The following RASGRF2 variants were observed in gnomAD, a reference collection of about 807,000 sequenced individuals.
The protein encoded by RASGRF2 is Ras protein specific guanine nucleotide releasing factor 2, also known as ras-specific guanine nucleotide-releasing factor 2.
Under a neutral mutation model 151.0 loss-of-function variants are expected in RASGRF2, and 76 were observed. That is an observed-to-expected ratio of 0.50 (90% CI 0.42 to 0.61). The LOEUF (loss-of-function observed/expected upper bound fraction) is 0.61. Ranked by LOEUF, RASGRF2 falls within the 20% of genes least tolerant of loss-of-function variation. The pLI, the probability that RASGRF2 is intolerant of heterozygous loss-of-function variation, is 0.00. For missense variants in RASGRF2, 1,148 were observed against 1,564.6 expected (o/e 0.73, Z 4.49); for synonymous variants, 504 against 566.5 (o/e 0.89, Z 1.57).
chr5:80,985,014 A>G (rs1375996727), intron 1 of RASGRF2, among the ~76,000 whole-genome samples: 1 of 152,206 alleles, frequency 6.6e-6, no homozygotes, highest in Non-Finnish European at 1.5e-5. Context: ...GTTCGAGACC[A>G]GCCTGGGCAA....
intron 17 of RASGRF2, among the ~76,000 whole-genome samples, chr5:81,168,865 C>G (rs6891857): frequency 0.011 from 1,622 of 152,298 alleles, 35 homozygotes; most frequent in African/African-American, 0.037. Context: ...ACAGCGATCA[C>G]TTCTTCCTTG....
intron 26 of RASGRF2, among the ~76,000 whole-genome samples, chr5:81,220,127 A>G (rs1755827612): frequency 6.6e-6 from 1 of 152,164 alleles, no homozygotes; most frequent in Admixed American, 6.5e-5. Context: ...GCTTTCTGAA[A>G]TGCAAAGTGG....
Position 81,145,441 on chromosome 5 carries a change from C to T in RASGRF2, c.2686+18278C>T, listed in dbSNP as rs188958012. 1.3e-4 allele frequency among the ~76,000 whole-genome samples: 20 copies of T among 152,280 alleles called. No individual in the cohort carries two copies. The East Asian group carries it at 3.7e-3, about 28-fold the overall frequency. On this transcript the variant is annotated intron_variant, in intron 17 of 26. Transcript: ENST00000265080. Reference sequence around the variant, plus strand: ...TACCACAAATTCTTTTCTACTTCTCCGTTCAAGAAATGGTGCTAAATTTCC... The same window carrying T: ...TACCACAAATTCTTTTCTACTTCTCTGTTCAAGAAATGGTGCTAAATTTCC...
chr5:81,148,844 A>G (rs1754065439), intron 17 of RASGRF2, among the ~76,000 whole-genome samples: 1 of 148,086 alleles, frequency 6.8e-6, no homozygotes, highest in South Asian at 2.1e-4. Context: ...ATAAAATAAA[A>G]TAAGAAGAAG....
intron 1 of RASGRF2, among the ~76,000 whole-genome samples, chr5:80,980,578 G>T (rs531599243): frequency 2.2e-3 from 341 of 152,226 alleles, no homozygotes; most frequent in Non-Finnish European, 4.0e-3. Context: ...GGAAGCAAAG[G>T]TTGCAGTGAA....
intron 15 of RASGRF2, among the ~76,000 whole-genome samples, chr5:81,122,039 A>G (rs1753326661): frequency 6.6e-6 from 1 of 152,234 alleles, no homozygotes; most frequent in African/African-American, 2.4e-5. Context: ...GCTGTTTGCA[A>G]GGAGCCTGAT....
chr5:81,120,406 G>A (rs1753274007), intron 15 of RASGRF2, among the ~76,000 whole-genome samples: 1 of 151,820 alleles, frequency 6.6e-6, no homozygotes, highest in South Asian at 2.1e-4. Context: ...GTGAGACCTT[G>A]TCTCTACTAA....
intron 17 of RASGRF2, among the ~76,000 whole-genome samples, chr5:81,144,725 T>A (rs1256051494): frequency 6.6e-6 from 1 of 152,242 alleles, no homozygotes; most frequent in Non-Finnish European, 1.5e-5. Context: ...GTCCAAGTTT[T>A]ACATATGTTA....
chr5:81,035,206 C>G (rs995096600), intron 1 of RASGRF2, among the ~76,000 whole-genome samples: 6 of 152,086 alleles, frequency 3.9e-5, no homozygotes, highest in African/African-American at 9.7e-5. Context: ...AGACTTGGAA[C>G]CAACCCAAAT....
chr5:80,969,815 CTTTTTTTTTTTTT>C (rs10584906), intron 1 of RASGRF2, among the ~76,000 whole-genome samples: 6 of 76,942 alleles, frequency 7.8e-5, no homozygotes, highest in East Asian at 5.6e-4. Context: ...ACTTCTTCTT[CTTTTTTTTTTTTT>C]TTTTTTTTTT....
chr5:81,085,020 G>A (rs988292510), intron 7 of RASGRF2, among the ~76,000 whole-genome samples: 1 of 152,196 alleles, frequency 6.6e-6, no homozygotes, highest in African/African-American at 2.4e-5. Context: ...TCTATAAAAT[G>A]GAGACATAAT....
At chr5:81,088,490 AC>A (rs1752302446) in intron 9 of RASGRF2, 1 of 152,174 alleles carries the variant, frequency 6.6e-6, no homozygotes, top group African/African-American at 2.4e-5. Flanking sequence ...TCTCTGCCTT[AC>A]CTTGTCTAGT....
At chr5:81,042,316 A>G (rs1318435439) in intron 1 of RASGRF2, among the ~76,000 whole-genome samples, 1 of 152,212 alleles carries the variant, frequency 6.6e-6, no homozygotes, top group East Asian at 1.9e-4. Flanking sequence ...ATTCTGGAAT[A>G]CTGTGTTGAA....
chr5:81,007,007 C>G (rs896567771), intron 1 of RASGRF2, among the ~76,000 whole-genome samples: 1 of 152,178 alleles, frequency 6.6e-6, no homozygotes, highest in Non-Finnish European at 1.5e-5. Flanking sequence ...GCCTCACTTC[C>G]CCATCTCCCT....
intron 18 of RASGRF2, among the ~76,000 whole-genome samples, chr5:81,188,621 G>C (rs149128952): frequency 4.1e-4 from 62 of 152,244 alleles, no homozygotes; most frequent in African/African-American, 1.3e-3. Context: ...AAAAAATACT[G>C]TATCACTTAC....
intron 1 of RASGRF2, among the ~76,000 whole-genome samples, chr5:81,031,754 G>A (rs1750258421): frequency 6.6e-6 from 1 of 152,128 alleles, no homozygotes; most frequent in South Asian, 2.1e-4. Context: ...AGAAGCAAGA[G>A]CAAACACATT....
chr5:81,087,061 G>A (rs1205203380), intron 9 of RASGRF2, 108 bp downstream of exon 9: 10 of 1,025,192 alleles, frequency 9.8e-6, no homozygotes, highest in African/African-American at 1.6e-5. Context: ...TGCGGTGCCC[G>A]AAGGACCCCC....
intron 14 of RASGRF2, 37 bp from the exon 15 acceptor site, chr5:81,113,501 G>A (rs1477391979): frequency 2.6e-6 from 4 of 1,546,730 alleles, no homozygotes; most frequent in Middle Eastern, 1.7e-4. Flanking sequence ...ATTTCACTTG[G>A]CTACAATCTC....
intron 15 of RASGRF2, among the ~76,000 whole-genome samples, chr5:81,115,794 A>G (rs139191440): frequency 6.6e-6 from 1 of 152,272 alleles, no homozygotes; most frequent in East Asian, 1.9e-4. Flanking sequence ...GCTAGAGTCC[A>G]CAATGGTAAA....
Sources: allele counts gnomAD v4.1 joint callset (sites outside exome capture counted in the v4.1 genomes callset), GRCh38; gene constraint gnomAD v4.1.1; transcripts MANE v1.5; gene names NCBI Gene and HGNC (gene_info 2026-07-23, HGNC 2026-07-21).